Variants in HTRA1 observed in about 807,000 individuals in gnomAD.
The protein encoded by HTRA1 is HtrA serine peptidase 1, also known as serine protease HTRA1.
HTRA1 carries 26 observed loss-of-function variants against 49.7 expected under a neutral mutation model. The ratio of observed to expected loss-of-function variants is 0.52; its 90% confidence interval spans 0.38 to 0.73. HTRA1 has a LOEUF of 0.73. HTRA1 is among the 30% of genes least tolerant of loss of function. The probability of loss-of-function intolerance (pLI) is 0.00; values close to 1 mark genes in which losing one functional copy is unlikely to be tolerated. For synonymous variants in HTRA1, 291 were observed against 286.9 expected, an observed-to-expected ratio of 1.01 and a Z score of -0.14; for missense variants, 561 against 667.2, an observed-to-expected ratio of 0.84 and a Z score of 1.75.
At chr10:122,511,861 AT>A in intron 7 of HTRA1, 108 bp from the exon 8 acceptor site, 1 of 772,002 alleles carries the variant, frequency 1.3e-6, no homozygotes. Flanking sequence ...TCCTGGAGGA[AT>A]TTTACCTTAG....
At chr10:122,477,003 T>C (rs2097488807) in intron 1 of HTRA1, among the ~76,000 whole-genome samples, 1 of 150,018 alleles carries the variant, frequency 6.7e-6, no homozygotes, top group Non-Finnish European at 1.5e-5. Flanking sequence ...AGTTTCACTT[T>C]GTCACCCAGG....
chr10:122,466,197 G>A (rs533944517), intron 1 of HTRA1, among the ~76,000 whole-genome samples: 1 of 152,156 alleles, frequency 6.6e-6, no homozygotes, highest in Admixed American at 6.5e-5. Context: ...ACAGTGTCTC[G>A]TTCTGTCGCC....
intron 1 of HTRA1, among the ~76,000 whole-genome samples, chr10:122,466,569 G>A (rs2097483868): frequency 6.6e-6 from 1 of 152,190 alleles, no homozygotes; most frequent in South Asian, 2.1e-4. Context: ...AGACAGGGTT[G>A]AATAAAACAA....
intron 3 of HTRA1, among the ~76,000 whole-genome samples, chr10:122,504,126 C>T (rs2097502054): frequency 6.6e-6 from 1 of 152,162 alleles, no homozygotes. Context: ...TCCCCGGGAG[C>T]ATGGGGAGTA....
intron 1 of HTRA1, among the ~76,000 whole-genome samples, chr10:122,468,119 G>A (rs1219985347): frequency 6.6e-6 from 1 of 152,176 alleles, no homozygotes; most frequent in Non-Finnish European, 1.5e-5. Flanking sequence ...TCAGAGGTAA[G>A]GGCTGGTGGC....
rs148981034 is a variant in HTRA1 at position 122,512,604 on chromosome 10, C to A, written c.1274+539C>A. Among the ~76,000 whole-genome samples the A allele has an allele frequency of 3.7e-3, 566 of 152,326 alleles. 2 individuals are homozygous for A. The highest frequency in any genetic ancestry group is 0.013 in the African/African-American group (536 of 41,568). On this transcript the variant is annotated intron_variant, in intron 8 of 8. Coordinates refer to ENST00000368984, the MANE Select transcript of HTRA1 (RefSeq NM_002775.5). ...CCAGAGAAAAGTGCGAGACCAGGGA[C>A]CAGCAAATGTGCCTTGGGGGCTGGA...
chr10:122,508,285 T>G (rs2097504054), intron 5 of HTRA1, among the ~76,000 whole-genome samples: 1 of 152,240 alleles, frequency 6.6e-6, no homozygotes, highest in African/African-American at 2.4e-5. Context: ...AGAGTCATCT[T>G]AAGATCATTA....
intron 1 of HTRA1, among the ~76,000 whole-genome samples, chr10:122,469,062 C>T (rs1472913388): frequency 6.6e-6 from 1 of 152,180 alleles, no homozygotes; most frequent in Non-Finnish European, 1.5e-5. Flanking sequence ...ACACAAAAGT[C>T]TCCGAGGGCA....
intron 1 of HTRA1, among the ~76,000 whole-genome samples, chr10:122,470,725 C>T (rs1175748993): frequency 1.3e-5 from 2 of 152,068 alleles, no homozygotes; most frequent in South Asian, 2.1e-4. Flanking sequence ...CTTTAGGAGT[C>T]CTAAAGCATT....
chr10:122,471,912 C>CCTTCTCCCTA (rs1186922327), intron 1 of HTRA1, among the ~76,000 whole-genome samples: 2 of 152,290 alleles, frequency 1.3e-5, no homozygotes, highest in Middle Eastern at 3.4e-3. Context: ...TGCAGAAAAC[C>CCTTCTCCCTA]CTTCTCCCTA....
chr10:122,503,159 G>A (rs894996952), intron 3 of HTRA1, among the ~76,000 whole-genome samples: 2 of 152,216 alleles, frequency 1.3e-5, no homozygotes, highest in Non-Finnish European at 2.9e-5. Context: ...GCAGTGCAGA[G>A]GCCTTGGACT....
chr10:122,499,321 A>G (rs2097499994), intron 3 of HTRA1, among the ~76,000 whole-genome samples: 2 of 152,204 alleles, frequency 1.3e-5, no homozygotes, highest in Non-Finnish European at 1.5e-5. Context: ...AAATAACCAC[A>G]GTAATAACTA....
At chr10:122,510,225 C>T in intron 7 of HTRA1, 72 bp downstream of exon 7, 1 of 1,268,702 alleles carries the variant, frequency 7.9e-7, no homozygotes, top group Non-Finnish European at 1.2e-6. Context: ...CTCACGGGCA[C>T]CCCTGAAAGA....
chr10:122,476,964 C>CTT (rs36120668), intron 1 of HTRA1, among the ~76,000 whole-genome samples: 14 of 104,012 alleles, frequency 1.3e-4, no homozygotes, highest in South Asian at 6.9e-4. Flanking sequence ...TTTATAGTTA[C>CTT]TTTTTTTTTT....
chr10:122,493,938 G>C (rs555265301), intron 3 of HTRA1, among the ~76,000 whole-genome samples: 1 of 151,246 alleles, frequency 6.6e-6, no homozygotes, highest in South Asian at 2.1e-4. Flanking sequence ...GGCCTTGGCT[G>C]TTCCCCTCCC....
intron 1 of HTRA1, among the ~76,000 whole-genome samples, chr10:122,472,979 G>A (rs769261098): frequency 5.3e-5 from 8 of 152,274 alleles, no homozygotes; most frequent in Non-Finnish European, 8.8e-5. Context: ...TTTCAACCTC[G>A]TAAGTCACTG....
chr10:122,505,059 C>A (rs1021534130), intron 3 of HTRA1, among the ~76,000 whole-genome samples: 3 of 152,248 alleles, frequency 2.0e-5, no homozygotes, highest in Non-Finnish European at 4.4e-5. Context: ...CTAGATGGTG[C>A]TTACAGGAGC....
At chr10:122,476,388 GGTTA>G (rs1180677895) in intron 1 of HTRA1, among the ~76,000 whole-genome samples, 1 of 152,170 alleles carries the variant, frequency 6.6e-6, no homozygotes, top group Non-Finnish European at 1.5e-5. Flanking sequence ...CACAGCATCA[GGTTA>G]GTTAACCACC....
chr10:122,480,629 T>TGCTGGCGTGGCGTGAGTGCCCC (rs2097490582), intron 1 of HTRA1, among the ~76,000 whole-genome samples: 1 of 152,178 alleles, frequency 6.6e-6, no homozygotes, highest in African/African-American at 2.4e-5. Flanking sequence ...TCTGGTGTCC[T>TGCTGGCGTGGCGTGAGTGCCCC]GCTGGCGTGG....
Sources: gnomAD v4.1 joint callset for allele counts (sites outside exome capture counted in the v4.1 genomes callset) on GRCh38, gnomAD v4.1.1 for gene constraint, MANE v1.5 for transcripts, NCBI Gene and HGNC (gene_info 2026-07-23, HGNC 2026-07-21) for gene names.